The following ACIN1 variants were observed in gnomAD, a reference collection of about 807,000 sequenced individuals.
ACIN1 encodes the protein apoptotic chromatin condensation inducer 1, also known as apoptotic chromatin condensation inducer in the nucleus.
A neutral mutation model predicts 146.6 loss-of-function variants in ACIN1; 16 were observed. That is an observed-to-expected ratio of 0.11 (90% CI 0.07 to 0.17). ACIN1 has a LOEUF of 0.17. Among genes scored for constraint, ACIN1 ranks in the 10% least tolerant of loss-of-function variants. The pLI is 1.00. For missense variants in ACIN1, 1,357 were observed against 1,609.3 expected (o/e 0.84, Z 2.68); for synonymous variants, 569 against 582.7 (o/e 0.98, Z 0.34).
intron 6 of ACIN1, 81 bp from the exon 7 acceptor site, chr14:23,079,119 C>T (rs2047876772): frequency 7.2e-7 from 1 of 1,381,832 alleles, no homozygotes; most frequent in Non-Finnish European, 9.8e-7. Flanking sequence ...TTCCAGTTTC[C>T]ATGGACCAAA....
At position 23,064,488 on chromosome 14, in the gene ACIN1, G is replaced by A; in HGVS notation, c.2309C>T (p.Ser770Leu). The change falls in exon 11 of 19, where the codon TCA becomes TTA. Residue 770 changes from serine to leucine, a missense_variant and splice_region_variant. Ser to Leu is a moderately radical substitution (Grantham distance 145, BLOSUM62 -2). Around this residue, in one of 4 missense-constraint regions of ACIN1, gnomAD observed 509 missense variants for 719.6 expected, o/e 0.71. Coordinates refer to ENST00000605057, the MANE Select transcript of ACIN1 (RefSeq NM_001386863.1). ...TCCAGCTGGCACCCCCTTGGTAGCTGCTGTCCCCAAGAAATAGACCCAACA... is the reference window on the plus strand; with the variant it reads ...TCCAGCTGGCACCCCCTTGGTAGCTACTGTCCCCAAGAAATAGACCCAACA... ...KSFKRKISVVSATKGVPAGNS... is the reference protein window; with the variant it reads ...KSFKRKISVVLATKGVPAGNS... 6.2e-7 allele frequency: 1 copy of A among 1,614,054 alleles called. No homozygotes were observed. Among genetic ancestry groups the A allele is most frequent in the Non-Finnish European group, 8.5e-7 (1 of 1,179,938 alleles).
At chr14:23,094,606 CAA>C in intron 1 of ACIN1, 1 of 907,868 alleles carries the variant, frequency 1.1e-6, no homozygotes, top group Non-Finnish European at 1.3e-6. Context: ...CGACCCAGCC[CAA>C]CTCGCCCCCC....
chr14:23,067,536 G>A lies in ACIN1; in HGVS notation c.2266-1528C>T, dbSNP rs1230243271. 4 of 985,906 alleles carry A rather than the reference G, an allele frequency of 4.1e-6. No individual in the cohort carries two copies. The highest frequency in any genetic ancestry group is 1.2e-4 in the Admixed American group (2 of 16,250). 61.1% of individuals were successfully genotyped at this position (985,906 alleles called of 1,614,324 possible). ...GAAACGTGTGGGGGGACGCTGCCCA[G>A]TTTCCATGATGTCAAGACAGTTCAC... On this transcript the variant is annotated intron_variant, in intron 9 of 18. Coordinates refer to ENST00000605057, the MANE Select transcript of ACIN1 (RefSeq NM_001386863.1). The surrounding 1 kb of genome is among the most constrained non-coding windows in gnomAD (Gnocchi z 4.6).
chr14:23,061,880 A>G (rs1438088633), intron 16 of ACIN1, among the ~76,000 whole-genome samples: 2 of 149,788 alleles, frequency 1.3e-5, no homozygotes, highest in East Asian at 4.0e-4. Flanking sequence ...AGGCTGAGGC[A>G]GGAGAATGGC....
chr14:23,059,865 C>T (rs1237486233), intron 18 of ACIN1, among the ~76,000 whole-genome samples: 1 of 151,720 alleles, frequency 6.6e-6, no homozygotes, highest in Non-Finnish European at 1.5e-5. Flanking sequence ...CGTTGTTAGC[C>T]AGGATGGTCT....
rs148967736 is a variant in ACIN1 at position 23,080,494 on chromosome 14, T to G, written c.841A>C (p.Arg281=). Residue 281 remains arginine (R), a synonymous_variant, in exon 6 of 19, where the codon AGA becomes CGA. Transcript: ENST00000605057. ...GCCTCTTCCTGGGATCTTGTAAATC[T>G]CCCTCCTCTCTCTAACACCTCCTGT... ...QEQEVLERGG[R]FTRSQEEARK... The G allele has an allele frequency of 2.5e-6, 4 of 1,614,146 alleles. No homozygotes were observed. Among genetic ancestry groups the G allele is most frequent in the Non-Finnish European group, 3.4e-6 (4 of 1,180,030 alleles).
intron 18 of ACIN1, among the ~76,000 whole-genome samples, chr14:23,060,375 T>C (rs1279408608): frequency 3.9e-5 from 6 of 152,192 alleles, no homozygotes; most frequent in Admixed American, 6.5e-5. Flanking sequence ...AACAAATCTC[T>C]TTTTTGAGTA....
Position 23,067,470 on chromosome 14 carries a change from CA to C in ACIN1, c.2266-1463del, listed in dbSNP as rs2047493722. On this transcript the variant is annotated intron_variant, in intron 9 of 18. Coordinates refer to ENST00000605057, the MANE Select transcript of ACIN1 (RefSeq NM_001386863.1). The surrounding 1 kb of genome is among the most constrained non-coding windows in gnomAD (Gnocchi z 4.6). Reference sequence around the variant, plus strand: ...GCGCACGGCGTGGTAGTCAGCACGGCACTGCCAGAGTCCTCCCAGGGGCGCA... The same window carrying C: ...GCGCACGGCGTGGTAGTCAGCACGGCCTGCCAGAGTCCTCCCAGGGGCGCA... The C allele has an allele frequency of 2.0e-6, 2 of 980,484 alleles. No homozygotes were observed. The highest frequency in any genetic ancestry group is 6.4e-5 in the Admixed American group (1 of 15,606). The allele number at this position is 980,484 out of a possible 1,614,324, so 60.7% of individuals were successfully genotyped here.
rs116602788 is a variant in ACIN1, at chr14:23,076,040, C to T, written c.2123+2111G>A. Among the ~76,000 whole-genome samples the T allele has an allele frequency of 4.7e-3, 717 of 152,188 alleles. 7 individuals carry two copies. Among genetic ancestry groups the T allele is most frequent in the African/African-American group, 0.017 (692 of 41,534 alleles). ...CTTTTCCATTTAGCATTGTTGATTA[C>T]GCTTTCAAAATTGGCCAGAGCTCTA... On this transcript the variant is annotated intron_variant, in intron 8 of 18. Transcript: ENST00000605057.
Position 23,071,802 on chromosome 14 carries a change from G to A in ACIN1, c.2124-2185C>T, listed in dbSNP as rs2047664740. ...TCCCAGGGGGCAGGGGAGGGGGCTG[G>A]GTGGAGGACATGTAAAGTTACAGCT... On this transcript the variant is annotated intron_variant, in intron 8 of 18. Coordinates refer to ENST00000605057, the MANE Select transcript of ACIN1 (RefSeq NM_001386863.1). 3.3e-5 allele frequency among the ~76,000 whole-genome samples: 5 copies of A among 152,158 alleles called. No homozygotes were observed. In the South Asian group the frequency reaches 1.0e-3, roughly 32 times the overall value.
At chr14:23,073,215 C>T (rs935365532) in intron 8 of ACIN1, among the ~76,000 whole-genome samples, 6 of 152,234 alleles carry the variant, frequency 3.9e-5, no homozygotes, top group Admixed American at 6.5e-5. Flanking sequence ...TATCTGCCCC[C>T]CATCTCTACC....
At chr14:23,059,898 G>A (rs1373462177) in intron 18 of ACIN1, among the ~76,000 whole-genome samples, 11 of 149,624 alleles carry the variant, frequency 7.4e-5, no homozygotes, top group Admixed American at 4.0e-4. Context: ...CTCGTGATCC[G>A]CCCGCCTCAG....
At chr14:23,065,919 T>A in intron 10 of ACIN1, 47 bp downstream of exon 10, 1 of 1,568,120 alleles carries the variant, frequency 6.4e-7, no homozygotes, top group Non-Finnish European at 8.8e-7. Flanking sequence ...GAATGCTGGT[T>A]TTTATGGTAT....
intron 18 of ACIN1, 57 bp from the exon 19 acceptor site, chr14:23,059,531 A>C: frequency 1.4e-6 from 2 of 1,429,386 alleles, no homozygotes; most frequent in African/African-American, 1.4e-5. Context: ...CACAGCCTCC[A>C]TTTGTGCCTG....
chr14:23,064,014 C>T (rs1412822305), intron 12 of ACIN1, 91 bp downstream of exon 12: 3 of 1,542,498 alleles, frequency 1.9e-6, no homozygotes, highest in Non-Finnish European at 1.8e-6. Context: ...CAGGGAAGTT[C>T]CCTCCAAAGA....
At chr14:23,088,126 G>C (rs2048133879) in intron 4 of ACIN1, among the ~76,000 whole-genome samples, 1 of 152,164 alleles carries the variant, frequency 6.6e-6, no homozygotes, top group African/African-American at 2.4e-5. Context: ...TACTCTCACA[G>C]AGATATGTAT....
At chr14:23,059,845 G>A (rs568713321) in intron 18 of ACIN1, among the ~76,000 whole-genome samples, 10 of 148,152 alleles carry the variant, frequency 6.7e-5, no homozygotes, top group African/African-American at 2.3e-4. Context: ...CAGTAGAGAC[G>A]GGGCTTCACC....
chr14:23,060,161 T>C (rs1259425869), intron 18 of ACIN1, among the ~76,000 whole-genome samples: 3 of 151,412 alleles, frequency 2.0e-5, no homozygotes, highest in Admixed American at 6.6e-5. Context: ...TTTCACCATG[T>C]TGGCCAGGAT....
chr14:23,076,274 C>T (rs2047799050), intron 8 of ACIN1, among the ~76,000 whole-genome samples: 1 of 152,098 alleles, frequency 6.6e-6, no homozygotes, highest in African/African-American at 2.4e-5. Context: ...AGAAGGAAAG[C>T]AGGTACGAGT....
Sources: allele counts gnomAD v4.1 joint callset (sites outside exome capture counted in the v4.1 genomes callset), GRCh38; gene constraint gnomAD v4.1.1; regional missense constraint gnomAD v4.1.1; non-coding constraint Gnocchi (gnomAD v3.1); transcripts MANE v1.5; gene names NCBI Gene and HGNC (gene_info 2026-07-23, HGNC 2026-07-21).